The following DNAH11 variants were observed in gnomAD, a reference collection of about 807,000 sequenced individuals.
The protein encoded by DNAH11 is dynein axonemal heavy chain 11, also known as axonemal beta dynein heavy chain 11.
DNAH11 carries 442 observed loss-of-function variants against 526.0 expected under a neutral mutation model. The ratio of observed to expected loss-of-function variants is 0.84; its 90% CI spans 0.78 to 0.91. The LOEUF (loss-of-function observed/expected upper bound fraction) is 0.91, where lower values mean the gene tolerates loss of function less well. Among genes scored for constraint, DNAH11 ranks in the 40% least tolerant of loss-of-function variants. The pLI, the probability that DNAH11 is intolerant of heterozygous loss-of-function variation, is 0.00. For missense variants in DNAH11, 6,989 were observed against 5,448.7 expected (o/e 1.28, Z -8.90); for synonymous variants, 2,461 against 1,935.9 (o/e 1.27, Z -7.12).
At chr7:21,571,073 C>G (rs1184440451) in intron 7 of DNAH11, among the ~76,000 whole-genome samples, 2 of 152,088 alleles carry the variant, frequency 1.3e-5, no homozygotes, top group Admixed American at 6.6e-5. Context: ...TGTGAAATAC[C>G]TAATGAAGGG....
intron 74 of DNAH11, among the ~76,000 whole-genome samples, chr7:21,879,913 C>A (rs1301616143): frequency 6.6e-6 from 1 of 151,942 alleles, no homozygotes; most frequent in African/African-American, 2.4e-5. Context: ...GGCAAAAACC[C>A]ATCTCTATTA....
intron 66 of DNAH11, among the ~76,000 whole-genome samples, chr7:21,850,006 A>G (rs1782562582): frequency 6.7e-6 from 1 of 149,432 alleles, no homozygotes; most frequent in Admixed American, 6.7e-5. Flanking sequence ...ATCTAATGAC[A>G]TATGTCTAAG....
At chr7:21,859,301 A>G (rs925065560) in intron 68 of DNAH11, among the ~76,000 whole-genome samples, 8 of 152,100 alleles carry the variant, frequency 5.3e-5, no homozygotes, top group African/African-American at 1.7e-4. Flanking sequence ...TTTGGTAGAG[A>G]TGGGGTTTCA....
At chr7:21,862,044 A>C in intron 69 of DNAH11, 21 bp downstream of exon 69, 2 of 1,592,604 alleles carry the variant, frequency 1.3e-6, no homozygotes, top group Non-Finnish European at 1.7e-6. Context: ...CAGTTACTTG[A>C]AAAAGGATCC....
rs976406476 is a variant in DNAH11, at chr7:21,610,940, A to T, written c.3853-4174A>T. Among the ~76,000 whole-genome samples, 3 of 152,256 alleles carry T rather than the reference A, an allele frequency of 2.0e-5. No individual in the cohort carries two copies. The South Asian group carries it at 6.2e-4, about 31-fold the overall frequency. On this transcript the variant is annotated intron_variant, in intron 20 of 81. Coordinates refer to ENST00000409508, the MANE Select transcript of DNAH11 (RefSeq NM_001277115.2). ...GAATGAACAGAATATAGTCTGCAAG[A>T]TAATAGCTAAGACTTAAAGGACTGG...
chr7:21,687,127 C>A lies in DNAH11; in HGVS notation c.5650C>A (p.His1884Asn). 6.2e-7 allele frequency: 1 copy of A among 1,613,360 alleles called. No homozygotes were observed. Among genetic ancestry groups the A allele is most frequent in the Non-Finnish European group, 8.5e-7 (1 of 1,179,624 alleles). The change falls in exon 33 of 82, where the codon CAT (histidine) becomes AAT (asparagine). Residue 1884 changes from histidine to asparagine, a missense_variant. His to Asn is a moderately conservative substitution (Grantham distance 68, BLOSUM62 1). Coordinates refer to ENST00000409508, the MANE Select transcript of DNAH11 (RefSeq NM_001277115.2). Reference sequence around the variant, plus strand: ...TTATATTACCTTAACTCAATCACTTCATCTAACCATGAGTGGGGCTCCTGC... The same window carrying A: ...TTATATTACCTTAACTCAATCACTTAATCTAACCATGAGTGGGGCTCCTGC... Reference protein sequence around the residue: ...RCYITLTQSLHLTMSGAPAGP... With the variant: ...RCYITLTQSLNLTMSGAPAGP...
intron 63 of DNAH11, among the ~76,000 whole-genome samples, chr7:21,810,698 T>C (rs1366281579): frequency 1.3e-5 from 2 of 151,210 alleles, no homozygotes; most frequent in East Asian, 1.9e-4. Context: ...AGTCTAGGAG[T>C]AAAAAGAGAG....
At chr7:21,877,502 T>C (rs1783759747) in intron 74 of DNAH11, among the ~76,000 whole-genome samples, 2 of 152,232 alleles carry the variant, frequency 1.3e-5, no homozygotes, top group Admixed American at 1.3e-4. Flanking sequence ...TTCCAGAATA[T>C]TTATGTAAAT....
chr7:21,735,761 G>A lies in DNAH11; in HGVS notation c.7562G>A (p.Gly2521Asp). 6.2e-7 allele frequency: 1 copy of A among 1,613,962 alleles called. No homozygotes were observed. The highest frequency in any genetic ancestry group is 8.5e-7 in the Non-Finnish European group (1 of 1,179,882). ...GGAGTGGGAAAAACAGTCTTTGTAG[G>A]TGACACATTGGCAAGTCTCTCTGAG... Reference protein sequence around the residue: ...NAGVGKTVFVGDTLASLSEDY... With the variant: ...NAGVGKTVFVDDTLASLSEDY... Residue 2521 changes from glycine (G) to aspartate (D), a missense_variant, in exon 46 of 82, where the codon GGT becomes GAT. Physicochemically the swap from Gly to Asp is moderately conservative, Grantham distance 94. Coordinates refer to ENST00000409508, the MANE Select transcript of DNAH11 (RefSeq NM_001277115.2).
At chr7:21,584,549 T>A (rs1583502309) in intron 9 of DNAH11, among the ~76,000 whole-genome samples, 1 of 152,050 alleles carries the variant, frequency 6.6e-6, no homozygotes, top group Non-Finnish European at 1.5e-5. Flanking sequence ...GCACATTGTG[T>A]ACATGTATCC....
chr7:21,719,229 T>C (rs1784783406), intron 43 of DNAH11, among the ~76,000 whole-genome samples: 1 of 152,238 alleles, frequency 6.6e-6, no homozygotes, highest in African/African-American at 2.4e-5. Context: ...CTGTGGTTAC[T>C]AATAAGTATG....
chr7:21,866,790 T>C (rs1404209706), intron 71 of DNAH11, 127 bp downstream of exon 71: 1 of 1,040,692 alleles, frequency 9.6e-7, no homozygotes, highest in Non-Finnish European at 1.3e-6. Context: ...TGCTGAGATT[T>C]TGATATTATA....
chr7:21,713,455 C>A (rs901386632), intron 42 of DNAH11, among the ~76,000 whole-genome samples: 2 of 152,162 alleles, frequency 1.3e-5, no homozygotes, highest in Non-Finnish European at 2.9e-5. Context: ...GACTGCAGGT[C>A]ACAGCTCTTC....
intron 18 of DNAH11, 84 bp from the exon 19 acceptor site, chr7:21,606,342 A>C (rs1785280993): frequency 6.1e-6 from 7 of 1,156,876 alleles, no homozygotes. Flanking sequence ...AAAAAAAAGA[A>C]AGAAATTAGA....
chr7:21,747,646 C>A (rs184384864), intron 51 of DNAH11, among the ~76,000 whole-genome samples: 2 of 152,188 alleles, frequency 1.3e-5, no homozygotes, highest in African/African-American at 4.8e-5. Context: ...TATTATAGAA[C>A]AAGGGATTAG....
At chr7:21,818,676 A>C (rs774682968) in intron 65 of DNAH11, among the ~76,000 whole-genome samples, 13 of 152,214 alleles carry the variant, frequency 8.5e-5, no homozygotes, top group African/African-American at 3.1e-4. Flanking sequence ...CTGCCTATCT[A>C]CATATCACTT....
chr7:21,752,836 C>CTGAG (rs1308709505), intron 54 of DNAH11, among the ~76,000 whole-genome samples: 1 of 152,172 alleles, frequency 6.6e-6, no homozygotes, highest in Non-Finnish European at 1.5e-5. Flanking sequence ...CCTCAGCCTC[C>CTGAG]TGAGTAGCTG....
At chr7:21,775,183 A>G (rs1787619838) in intron 56 of DNAH11, among the ~76,000 whole-genome samples, 1 of 152,226 alleles carries the variant, frequency 6.6e-6, no homozygotes, top group Non-Finnish European at 1.5e-5. Flanking sequence ...AATAGTGAGT[A>G]GATGGACCAC....
At chr7:21,719,563 A>C (rs1784798513) in intron 43 of DNAH11, among the ~76,000 whole-genome samples, 1 of 152,220 alleles carries the variant, frequency 6.6e-6, no homozygotes, top group Non-Finnish European at 1.5e-5. Context: ...AAAAAATAAC[A>C]AAGCCTCAGA....
Sources: allele counts gnomAD v4.1 joint callset (sites outside exome capture counted in the v4.1 genomes callset), GRCh38; gene constraint gnomAD v4.1.1; transcripts MANE v1.5; gene names NCBI Gene and HGNC (gene_info 2026-07-23, HGNC 2026-07-21).